The following MDK variants were observed in gnomAD, a reference collection of about 807,000 sequenced individuals.
MDK encodes amphiregulin-associated protein.
Under a neutral mutation model 18.9 loss-of-function variants are expected in MDK, and 17 were observed. The observed-to-expected ratio is 0.90, with a 90% CI of 0.62 to 1.35. MDK has a LOEUF of 1.35. Among genes scored for constraint, MDK ranks in the 40% most tolerant of loss-of-function variants. MDK has a pLI of 0.00. For synonymous variants in MDK, 86 were observed against 74.3 expected (o/e 1.16, Z -0.81); for missense variants, 180 against 186.3 (o/e 0.97, Z 0.20).
chr11:46,382,790 G>GGGGGGGGGGGGCCCC, intron 4 of MDK, 42 bp downstream of exon 4: 9 of 987,038 alleles, frequency 9.1e-6, no homozygotes, highest in Admixed American at 7.2e-5. Flanking sequence ...GCGGGGGGCT[G>GGGGGGGGGGGGCCCC]CCCCCCCCCC....
At position 46,382,118 on chromosome 11, in the gene MDK, G is replaced by A. The variant is rs1295306664; in HGVS notation, c.61G>A (p.Val21Ile). Residue 21 changes from valine to isoleucine, a missense_variant, in exon 2 of 5, where the codon GTC (valine) becomes ATC (isoleucine). Transcript: ENST00000395566. ...CGCCCTGCTGGCGCTCACCTCCGCG[G>A]TCGCCAAAAAGAAAGGTGATGGGGG... ...LLALLALTSA[V>I]AKKKDKVKKG... 8.7e-6 allele frequency: 14 copies of A among 1,611,110 alleles called. No homozygotes were observed. The highest frequency in any genetic ancestry group is 1.2e-5 in the Non-Finnish European group (14 of 1,179,276).
intron 4 of MDK, 115 bp downstream of exon 4, chr11:46,382,863 T>G (rs1205087361): frequency 8.2e-7 from 1 of 1,220,434 alleles, no homozygotes; most frequent in African/African-American, 1.6e-5. Flanking sequence ...GCCAGTGGCT[T>G]CCTGACATCG....
chr11:46,382,798 C>T lies in MDK; in HGVS notation c.406+50C>T. On this transcript the variant is annotated intron_variant, in intron 4 of 4. Coordinates refer to ENST00000395566, the MANE Select transcript of MDK (RefSeq NM_002391.6). The stretch of plus-strand genomic sequence containing the variant: ...GGCTGTCGCGGGGGGCTGCCCCCCC[C>T]CCCCCCCGCCTGTGAGGGGACAATT... 2.0e-6 allele frequency: 3 copies of T among 1,509,990 alleles called. 1 individual carries two copies. Among genetic ancestry groups the T allele is most frequent in the Non-Finnish European group, 2.7e-6 (3 of 1,120,882 alleles). 93.5% of individuals were successfully genotyped at this position (1,509,990 alleles called of 1,614,324 possible).
Position 46,382,489 on chromosome 11 carries a change from G to A in MDK, c.244+28G>A, listed in dbSNP as rs1260401143. The A allele has an allele frequency of 2.6e-6, 4 of 1,526,964 alleles. No homozygotes were observed. In the South Asian group the frequency reaches 3.8e-5, roughly 14 times the overall value. The allele number at this position is 1,526,964 out of a possible 1,614,324, so 94.6% of individuals were successfully genotyped here. A position where few individuals can be genotyped will look rare whatever the true frequency, so the allele number is the denominator to read the frequency against. ...GAGGCGGGGCGCAGTCAGAGGGCAGGAGACGGGGGGCACAGCCTCGCCGAA... is the reference window on the plus strand; with the variant it reads ...GAGGCGGGGCGCAGTCAGAGGGCAGAAGACGGGGGGCACAGCCTCGCCGAA... On this transcript the variant is annotated intron_variant, in intron 3 of 4. Coordinates refer to ENST00000395566, the MANE Select transcript of MDK (RefSeq NM_002391.6).
Position 46,382,141 on chromosome 11 carries a change from G to A in MDK, c.76+8G>A, listed in dbSNP as rs1306788022. 6.2e-7 allele frequency: 1 copy of A among 1,611,016 alleles called. No homozygotes were observed. Among genetic ancestry groups the A allele is most frequent in the Admixed American group, 1.7e-5 (1 of 59,752 alleles). The stretch of plus-strand genomic sequence containing the variant: ...CGGTCGCCAAAAAGAAAGGTGATGG[G>A]GGATGATCGAAGGAGGGCTGGGGAC... On this transcript the variant is annotated splice_region_variant and intron_variant, in intron 2 of 4. Transcript: ENST00000395566.
intron 4 of MDK, 81 bp from the exon 5 acceptor site, chr11:46,383,388 C>A (rs368436657): frequency 7.2e-6 from 8 of 1,104,896 alleles, no homozygotes; most frequent in African/African-American, 3.1e-5. Context: ...CCCTGATGCC[C>A]GGGTGTTTGT....
In MDK at chr11:46,383,613, C is replaced by A. The variant is rs767158186; in HGVS notation, c.*119C>A. ...CTTCTGTCTGCTCGTTAGCTTTAATCAATCATGCCCTGCCTTGTCCCTCTC... is the reference window on the plus strand; with the variant it reads ...CTTCTGTCTGCTCGTTAGCTTTAATAAATCATGCCCTGCCTTGTCCCTCTC... On this transcript the variant is annotated 3_prime_UTR_variant, in exon 5 of 5. Coordinates refer to ENST00000395566, the MANE Select transcript of MDK (RefSeq NM_002391.6). 1 of 910,556 alleles carries A rather than the reference C, an allele frequency of 1.1e-6. No individual in the cohort carries two copies. The highest frequency in any genetic ancestry group is 1.3e-5 in the South Asian group (1 of 76,518). 56.4% of individuals were successfully genotyped at this position (910,556 alleles called of 1,614,324 possible). A position where few individuals can be genotyped will look rare whatever the true frequency, so the allele number is the denominator to read the frequency against.
At chr11:46,382,790 G>GGGGGGGCGC in intron 4 of MDK, 42 bp downstream of exon 4, 2 of 985,982 alleles carry the variant, frequency 2.0e-6, no homozygotes, top group Non-Finnish European at 2.7e-6. Context: ...GCGGGGGGCT[G>GGGGGGGCGC]CCCCCCCCCC....
At chr11:46,382,790 G>GGGGGGGGCGC in intron 4 of MDK, 42 bp downstream of exon 4, 3 of 987,056 alleles carry the variant, frequency 3.0e-6, no homozygotes, top group Non-Finnish European at 4.0e-6. Context: ...GCGGGGGGCT[G>GGGGGGGGCGC]CCCCCCCCCC....
chr11:46,382,260 C>T (rs372172569), intron 2 of MDK, 34 bp from the exon 3 acceptor site: 4 of 1,604,688 alleles, frequency 2.5e-6, no homozygotes, highest in East Asian at 2.2e-5. Context: ...CTCCCCGTGC[C>T]CCAGTCCTGA....
At chr11:46,381,825 G>A in intron 1 of MDK, 67 bp downstream of exon 1, 2 of 457,110 alleles carry the variant, frequency 4.4e-6, no homozygotes, top group Non-Finnish European at 7.7e-6. Context: ...CTGGAGGCGG[G>A]GGTGGGGGTC....
chr11:46,383,481 AG>A lies in MDK; in HGVS notation c.422del (p.Gly141GlufsTer31), dbSNP rs776445031. The A allele has an allele frequency of 6.3e-7, 1 of 1,598,442 alleles. No individual in the cohort carries two copies. Among genetic ancestry groups the A allele is most frequent in the Admixed American group, 1.8e-5 (1 of 56,782 alleles). On this transcript the variant is annotated frameshift_variant, in exon 5 of 5. Coordinates refer to ENST00000395566, the MANE Select transcript of MDK (RefSeq NM_002391.6). LOFTEE classifies it high-confidence loss of function. ...TCTTGTTTTACAGCCAAGAAAGGGA[AG>A]GGAAAGGACTAGACGCCAAGCCTGG... ...TKAKAKAKKG[K>X]GKD
intron 4 of MDK, chr11:46,383,224 G>A: frequency 2.1e-6 from 1 of 473,658 alleles, no homozygotes; most frequent in Non-Finnish European, 3.8e-6. Flanking sequence ...CAGGGCTGCT[G>A]TGACCAGGAC....
Position 46,383,453 on chromosome 11 carries a change from C to A in MDK, c.407-16C>A. On this transcript the variant is annotated splice_polypyrimidine_tract_variant and intron_variant, in intron 4 of 4. Transcript: ENST00000395566. ...AACTGCTGATATGGTATTAATATTT[C>A]TTTCTTGTTTTACAGCCAAGAAAGG... 1.3e-6 allele frequency: 2 copies of A among 1,579,646 alleles called. No individual in the cohort carries two copies. Among genetic ancestry groups the A allele is most frequent in the Non-Finnish European group, 1.7e-6 (2 of 1,162,512 alleles).
In MDK at chr11:46,381,771, C is replaced by T. The variant is rs1945178732; in HGVS notation, c.-2+13C>T. The T allele has an allele frequency of 7.5e-6, 2 of 265,654 alleles. No homozygotes were observed. The highest frequency in any genetic ancestry group is 1.3e-5 in the Non-Finnish European group (2 of 151,512). The allele number at this position is 265,654 out of a possible 1,614,324, so 16.5% of individuals were successfully genotyped here. A position where few individuals can be genotyped will look rare whatever the true frequency, so the allele number is the denominator to read the frequency against. On this transcript the variant is annotated intron_variant, in intron 1 of 4. Coordinates refer to ENST00000395566, the MANE Select transcript of MDK (RefSeq NM_002391.6). ...GGGCAGCGAGCGAGTGAGCGCGCGG[C>T]GGCCCCTGGTCCGCCCGGCCGCGGC...
chr11:46,383,177 A>C, intron 4 of MDK: 1 of 420,986 alleles, frequency 2.4e-6, no homozygotes. Flanking sequence ...GCAGGGGTGA[A>C]TCTGCCCGCT....
At position 46,382,052 on chromosome 11, in the gene MDK, C is replaced by G. The variant is rs749347028; in HGVS notation, c.-1-5C>G. 21 of 1,604,456 alleles carry G rather than the reference C, an allele frequency of 1.3e-5. No individual in the cohort carries two copies. In the Middle Eastern group the frequency reaches 5.2e-4, roughly 40 times the overall value. ...CAGGGATTCAGACTCGGGCTCTCCC[C>G]TCAGGATGCAGCACCGAGGCTTCCT... On this transcript the variant is annotated splice_polypyrimidine_tract_variant and splice_region_variant and intron_variant, in intron 1 of 4. Coordinates refer to ENST00000395566, the MANE Select transcript of MDK (RefSeq NM_002391.6).
chr11:46,382,224 C>G, intron 2 of MDK, 70 bp from the exon 3 acceptor site: 2 of 1,603,918 alleles, frequency 1.2e-6, no homozygotes, highest in South Asian at 1.1e-5. Context: ...AGCCTGGAAC[C>G]CCAGGAAGGC....
chr11:46,382,417 G>T lies in MDK; in HGVS notation c.200G>T (p.Arg67Leu). The change falls in exon 3 of 5, where the codon CGC becomes CTC. Residue 67 changes from arginine (R) to leucine (L), a missense_variant. Arg to Leu is a moderately radical substitution (Grantham distance 102). Transcript: ENST00000395566. Reference sequence around the variant, plus strand: ...GGCACCTGCGGGGCCCAGACCCAGCGCATCCGGTGCAGGGTGCCCTGCAAC... The same window carrying T: ...GGCACCTGCGGGGCCCAGACCCAGCTCATCCGGTGCAGGGTGCCCTGCAAC... The part of the protein sequence containing the change: ...REGTCGAQTQ[R>L]IRCRVPCNWK... The T allele has an allele frequency of 6.5e-7, 1 of 1,537,772 alleles. No individual in the cohort carries two copies.
Sources: gnomAD v4.1 joint callset for allele counts on GRCh38, gnomAD v4.1.1 for gene constraint, MANE v1.5 for transcripts, NCBI Gene and HGNC (gene_info 2026-07-23, HGNC 2026-07-21) for gene names.